Variants in SAP130 observed in about 807,000 individuals in gnomAD.
SAP130 encodes the protein Sin3A associated protein 130, also known as histone deacetylase complex subunit SAP130.
Under a neutral mutation model 103.2 loss-of-function variants are expected in SAP130, and 16 were observed. The observed-to-expected ratio is 0.16, with a 90% CI of 0.10 to 0.24. The LOEUF (loss-of-function observed/expected upper bound fraction) is 0.24. Ranked by LOEUF, SAP130 falls within the 10% of genes least tolerant of loss-of-function variation. The probability of loss-of-function intolerance (pLI) is 1.00; values close to 1 mark genes in which losing one functional copy is unlikely to be tolerated. For missense variants in SAP130, 990 were observed against 1,359.7 expected, an observed-to-expected ratio of 0.73 and a Z score of 4.28; for synonymous variants, 477 against 497.0, an observed-to-expected ratio of 0.96 and a Z score of 0.53.
At chr2:128,000,556 CG>C (rs979276812) in intron 7 of SAP130, 102 bp from the exon 8 acceptor site, 1 of 1,324,032 alleles carries the variant, frequency 7.6e-7, no homozygotes, top group African/African-American at 1.5e-5. Context: ...CTATGAAGTT[CG>C]GAGTTAAACC....
intron 1 of SAP130, chr2:128,027,133 C>T (rs753297044): frequency 1.4e-6 from 2 of 1,392,882 alleles, no homozygotes; most frequent in South Asian, 3.4e-5. Context: ...GCTTCTATCT[C>T]GCCGGCCTGG....
At chr2:127,974,493 C>A (rs561438399) in intron 15 of SAP130, among the ~76,000 whole-genome samples, 2 of 152,168 alleles carry the variant, frequency 1.3e-5, no homozygotes, top group African/African-American at 4.8e-5. Flanking sequence ...GAACAAAGGA[C>A]CATACACATG....
chr2:127,976,247 T>A (rs1214897678), intron 15 of SAP130, among the ~76,000 whole-genome samples: 3 of 152,342 alleles, frequency 2.0e-5, no homozygotes, highest in East Asian at 3.9e-4. Context: ...CATTCCAGCA[T>A]CAAGGAGCAC....
chr2:127,974,200 TTTA>T (rs1383855477), intron 15 of SAP130, among the ~76,000 whole-genome samples: 16 of 152,282 alleles, frequency 1.1e-4, no homozygotes, highest in Admixed American at 8.5e-4. Context: ...GAGTGATTCT[TTTA>T]AAATAAGTCA....
chr2:127,999,294 G>A (rs1261097799), intron 10 of SAP130, among the ~76,000 whole-genome samples: 4 of 152,138 alleles, frequency 2.6e-5, no homozygotes. Context: ...TCACCAGTAT[G>A]TCAGGGTGTC....
intron 15 of SAP130, among the ~76,000 whole-genome samples, chr2:127,963,854 C>T (rs540887288): frequency 1.3e-5 from 2 of 152,302 alleles, no homozygotes; most frequent in South Asian, 4.1e-4. Context: ...TGTGGGGCCT[C>T]CCCAGCCACA....
At chr2:127,988,396 C>G (rs1349253563) in intron 13 of SAP130, among the ~76,000 whole-genome samples, 1 of 143,566 alleles carries the variant, frequency 7.0e-6, no homozygotes, top group Non-Finnish European at 1.5e-5. Context: ...TGTGTTCCAG[C>G]TGGGCAACAG....
chr2:127,954,739 A>G (rs538189017), intron 16 of SAP130, among the ~76,000 whole-genome samples: 1 of 152,344 alleles, frequency 6.6e-6, no homozygotes, highest in African/African-American at 2.4e-5. Flanking sequence ...CCATGGGGAA[A>G]TATTAATCTC....
At chr2:127,985,797 A>G (rs1228284238) in intron 14 of SAP130, among the ~76,000 whole-genome samples, 1 of 151,872 alleles carries the variant, frequency 6.6e-6, no homozygotes, top group Non-Finnish European at 1.5e-5. Context: ...CTGTGCCTGT[A>G]AAAACCTCCG....
At chr2:127,992,873 G>T (rs78872675) in intron 12 of SAP130, among the ~76,000 whole-genome samples, 1 of 152,212 alleles carries the variant, frequency 6.6e-6, no homozygotes, top group Non-Finnish European at 1.5e-5. Flanking sequence ...GCCAAGATTT[G>T]CATAAAACAA....
Position 127,941,823 on chromosome 2 carries a change from C to T in SAP130, c.*183G>A. ...CACCCGAACGCAAGAAGGCAGCTCA[C>T]TATGTCCAGTCAGCTCTGATCCTTT... On this transcript the variant is annotated 3_prime_UTR_variant, in exon 21 of 21. Coordinates refer to ENST00000643581, the MANE Select transcript of SAP130 (RefSeq NM_001330301.2). The T allele has an allele frequency of 3.3e-6, 2 of 597,510 alleles. No homozygotes were observed. The highest frequency in any genetic ancestry group is 2.2e-5 in the South Asian group (1 of 44,702). 37.0% of individuals were successfully genotyped at this position (597,510 alleles called of 1,614,324 possible).
chr2:128,018,313 CA>C lies in SAP130; in HGVS notation c.113-399del, dbSNP rs200188563. On this transcript the variant is annotated intron_variant, in intron 2 of 20. Coordinates refer to ENST00000643581, the MANE Select transcript of SAP130 (RefSeq NM_001330301.2). ...CAAAACCCTATCTCTACTAAAAATACAAAAAAAAAAAAAAAAAACAAACCAA... is the reference window on the plus strand; with the variant it reads ...CAAAACCCTATCTCTACTAAAAATACAAAAAAAAAAAAAAAAACAAACCAA... Among the ~76,000 whole-genome samples, 196 of 50,594 alleles carry C rather than the reference CA, an allele frequency of 3.9e-3. 1 individual carries two copies. The highest frequency in any genetic ancestry group is 3.0e-3 in the Non-Finnish European group (71 of 23,718). 33.2% of individuals were successfully genotyped at this position (50,594 alleles called of 152,430 possible).
At chr2:127,970,849 G>A (rs1230184674) in intron 15 of SAP130, among the ~76,000 whole-genome samples, 1 of 152,032 alleles carries the variant, frequency 6.6e-6, no homozygotes, top group Non-Finnish European at 1.5e-5. Flanking sequence ...ACTTTTGGGG[G>A]ACACAACTCA....
rs535856820 is a variant in SAP130 at position 127,957,666 on chromosome 2, C to G, written c.2064-2322G>C. Among the ~76,000 whole-genome samples the G allele has an allele frequency of 2.6e-5, 4 of 150,998 alleles. No individual in the cohort carries two copies. In the South Asian group the frequency reaches 8.4e-4, roughly 32 times the overall value. On this transcript the variant is annotated intron_variant, in intron 15 of 20. Transcript: ENST00000643581. ...ACTCCAGCCACAACAGAGCGAGACC[C>G]TGCCTCTTAAAAAAAAAAAAAAGAT...
intron 3 of SAP130, 87 bp from the exon 4 acceptor site, chr2:128,016,634 C>A (rs1486402388): frequency 7.0e-7 from 1 of 1,426,456 alleles, no homozygotes; most frequent in Non-Finnish European, 9.4e-7. Context: ...ACAAATCGAA[C>A]CTGGAAAGTG....
intron 14 of SAP130, among the ~76,000 whole-genome samples, chr2:127,982,457 T>C (rs1217193098): frequency 2.0e-5 from 3 of 152,206 alleles, no homozygotes; most frequent in African/African-American, 4.8e-5. Context: ...ATAGATGTGA[T>C]AGCTGCAGAC....
At chr2:128,021,381 A>G (rs1251664297) in intron 2 of SAP130, among the ~76,000 whole-genome samples, 12 of 147,450 alleles carry the variant, frequency 8.1e-5, no homozygotes, top group African/African-American at 3.0e-4. Context: ...CGGGAGGTGG[A>G]GGTTGCAGTG....
chr2:128,015,940 C>CAAAAA (rs58340147), intron 4 of SAP130, among the ~76,000 whole-genome samples: 1 of 97,528 alleles, frequency 1.0e-5, no homozygotes, highest in African/African-American at 3.6e-5. Flanking sequence ...GATTCTGTCT[C>CAAAAA]AAAAAAAAAA....
chr2:128,026,982 A>C, intron 1 of SAP130: 1 of 1,048,490 alleles, frequency 9.5e-7, no homozygotes, highest in Non-Finnish European at 1.3e-6. Context: ...CTGAGACCGG[A>C]GGACGCCGGT....
Sources: gnomAD v4.1 joint callset for allele counts (sites outside exome capture counted in the v4.1 genomes callset) on GRCh38, gnomAD v4.1.1 for gene constraint, MANE v1.5 for transcripts, NCBI Gene and HGNC (gene_info 2026-07-23, HGNC 2026-07-21) for gene names.